The following RANBP17 variants were observed in gnomAD, a reference collection of about 807,000 sequenced individuals.
RANBP17 encodes the protein RAN binding protein 17, also known as ran-binding protein 17.
In RANBP17, 158 loss-of-function variants were observed where a neutral mutation model predicts 141.2. The ratio of observed to expected loss-of-function variants is 1.12; its 90% confidence interval spans 0.98 to 1.28. RANBP17 has a LOEUF of 1.28. Ranked by LOEUF, RANBP17 falls within the 50% of genes most tolerant of loss-of-function variation. The probability of loss-of-function intolerance (pLI) is 0.00; values close to 1 mark genes in which losing one functional copy is unlikely to be tolerated. For missense variants in RANBP17, 1,438 were observed against 1,290.7 expected, an observed-to-expected ratio of 1.11 and a Z score of -1.75; for synonymous variants, 430 against 450.0, an observed-to-expected ratio of 0.96 and a Z score of 0.56.
chr5:171,223,857 A>G (rs1038896677), intron 22 of RANBP17, among the ~76,000 whole-genome samples: 1 of 152,238 alleles, frequency 6.6e-6, no homozygotes, highest in Admixed American at 6.5e-5. Context: ...GCAAGATCTC[A>G]GTACTAATCC....
chr5:170,863,960 T>G (rs985486416), intron 1 of RANBP17, among the ~76,000 whole-genome samples: 16 of 152,222 alleles, frequency 1.1e-4, no homozygotes, highest in African/African-American at 3.6e-4. Context: ...ATTTCTCCGT[T>G]TGAATTCTTT....
chr5:171,060,952 G>A (rs1783792918), intron 14 of RANBP17, among the ~76,000 whole-genome samples: 1 of 78,576 alleles, frequency 1.3e-5, no homozygotes, highest in African/African-American at 4.5e-5. Context: ...TATTTGCGTA[G>A]AGGTGTTTAG....
chr5:170,865,820 A>G (rs1464095706), intron 1 of RANBP17, among the ~76,000 whole-genome samples: 1 of 152,216 alleles, frequency 6.6e-6, no homozygotes, highest in Non-Finnish European at 1.5e-5. Flanking sequence ...TGTCATACTC[A>G]GTTGCAGTTT....
chr5:170,887,640 G>GT (rs1012220459), intron 3 of RANBP17, among the ~76,000 whole-genome samples: 7 of 152,094 alleles, frequency 4.6e-5, no homozygotes, highest in Non-Finnish European at 8.8e-5. Flanking sequence ...CTATTTCTAG[G>GT]TTTTTTTATT....
rs34555837 is a variant in RANBP17, at chr5:171,071,653, CAAAAA to C, written c.1711-98460_1711-98456del. On this transcript the variant is annotated intron_variant, in intron 14 of 27. Transcript: ENST00000523189. The stretch of plus-strand genomic sequence containing the variant: ...TACTGGAACAATGAACAGCTTTATG[CAAAAA>C]AAAAAAAAAAAAAAAAGACCCTCAA... Among the ~76,000 whole-genome samples, 222 of 69,644 alleles carry C rather than the reference CAAAAA, an allele frequency of 3.2e-3. 3 individuals carry two copies. The East Asian group carries it at 0.046, about 14-fold the overall frequency. 45.7% of individuals were successfully genotyped at this position (69,644 alleles called of 152,430 possible).
intron 3 of RANBP17, among the ~76,000 whole-genome samples, chr5:170,890,841 T>A (rs995590886): frequency 2.0e-5 from 3 of 152,344 alleles, no homozygotes; most frequent in South Asian, 2.1e-4. Context: ...TTTCTTGAAT[T>A]TATATATTTA....
chr5:171,017,042 A>G (rs1780485778), intron 14 of RANBP17, among the ~76,000 whole-genome samples: 1 of 151,980 alleles, frequency 6.6e-6, no homozygotes, highest in African/African-American at 2.4e-5. Context: ...CTGGAGGATG[A>G]TGGCTTCCAG....
chr5:170,966,799 T>C (rs527239474), intron 13 of RANBP17, among the ~76,000 whole-genome samples: 2 of 151,974 alleles, frequency 1.3e-5, no homozygotes, highest in South Asian at 2.1e-4. Flanking sequence ...AAAACCCCAT[T>C]GTCTCAGCCC....
At chr5:170,949,333 C>A (rs1365235592) in intron 12 of RANBP17, among the ~76,000 whole-genome samples, 1 of 152,026 alleles carries the variant, frequency 6.6e-6, no homozygotes, top group South Asian at 2.1e-4. Flanking sequence ...TATCATATGA[C>A]TGATAAGAGA....
intron 14 of RANBP17, among the ~76,000 whole-genome samples, chr5:171,147,840 T>C (rs1244027211): frequency 6.6e-6 from 1 of 152,030 alleles, no homozygotes; most frequent in Non-Finnish European, 1.5e-5. Flanking sequence ...CCGCCCTTAC[T>C]GGGAAGTGAG....
chr5:171,172,785 C>T (rs897391811), intron 16 of RANBP17, among the ~76,000 whole-genome samples: 1 of 151,582 alleles, frequency 6.6e-6, no homozygotes, highest in Non-Finnish European at 1.5e-5. Flanking sequence ...GTATAATTTG[C>T]ATAATGCCTA....
chr5:171,138,006 T>C (rs1026227680), intron 14 of RANBP17, among the ~76,000 whole-genome samples: 1 of 151,390 alleles, frequency 6.6e-6, no homozygotes, highest in African/African-American at 2.4e-5. Context: ...ATAAGTAGAA[T>C]TGCCCTGACT....
chr5:171,001,350 A>G (rs1483326423), intron 14 of RANBP17, among the ~76,000 whole-genome samples: 4 of 152,210 alleles, frequency 2.6e-5, no homozygotes, highest in Non-Finnish European at 5.9e-5. Context: ...AAGAAGGAGA[A>G]AAATAGGTGT....
intron 24 of RANBP17, among the ~76,000 whole-genome samples, chr5:171,257,196 C>G (rs1254511852): frequency 6.6e-6 from 1 of 152,080 alleles, no homozygotes; most frequent in Non-Finnish European, 1.5e-5. Flanking sequence ...ACAGCATATC[C>G]GAAAGATAGT....
chr5:170,869,786 A>C (rs538044287), intron 1 of RANBP17, among the ~76,000 whole-genome samples: 227 of 152,294 alleles, frequency 1.5e-3, no homozygotes, highest in Admixed American at 2.5e-3. Context: ...CCCTATTTCC[A>C]AATAAGGTCA....
At chr5:171,166,155 T>A (rs539572168) in intron 14 of RANBP17, among the ~76,000 whole-genome samples, 19 of 152,244 alleles carry the variant, frequency 1.2e-4, no homozygotes, top group Admixed American at 8.5e-4. Flanking sequence ...TATGCAGGCA[T>A]ATTATGAAAT....
At chr5:171,063,390 C>T (rs1176113095) in intron 14 of RANBP17, among the ~76,000 whole-genome samples, 1 of 152,236 alleles carries the variant, frequency 6.6e-6, no homozygotes, top group African/African-American at 2.4e-5. Flanking sequence ...ACAGGACCCT[C>T]AGCTGCAGGT....
chr5:170,929,328 T>C (rs1773160221), intron 12 of RANBP17, among the ~76,000 whole-genome samples: 1 of 152,084 alleles, frequency 6.6e-6, no homozygotes, highest in Non-Finnish European at 1.5e-5. Context: ...TAGAAAGCAT[T>C]GAGCATTTTA....
chr5:171,147,332 G>C, intron 14 of RANBP17, among the ~76,000 whole-genome samples: 1 of 71,560 alleles, frequency 1.4e-5, no homozygotes, highest in East Asian at 7.0e-4. Flanking sequence ...ATCTTTTCTT[G>C]GTTGTTTTGT....
Sources: gnomAD v4.1 joint callset for allele counts (sites outside exome capture counted in the v4.1 genomes callset) on GRCh38, gnomAD v4.1.1 for gene constraint, MANE v1.5 for transcripts, NCBI Gene and HGNC (gene_info 2026-07-23, HGNC 2026-07-21) for gene names.